The following MAST2 variants were observed in gnomAD, a reference collection of about 807,000 sequenced individuals.
The protein encoded by MAST2 is microtubule-associated serine/threonine-protein kinase 2.
A neutral mutation model predicts 147.4 loss-of-function variants in MAST2; 70 were observed. The observed-to-expected ratio is 0.47, with a 90% CI of 0.39 to 0.58. The LOEUF (loss-of-function observed/expected upper bound fraction) is 0.58. Ranked by LOEUF, MAST2 falls within the 20% of genes least tolerant of loss-of-function variation. The pLI, the probability that MAST2 is intolerant of heterozygous loss-of-function variation, is 0.00. For missense variants in MAST2, 2,080 were observed against 2,302.3 expected (o/e 0.90, Z 1.98); for synonymous variants, 869 against 896.8 (o/e 0.97, Z 0.55).
intron 3 of MAST2, among the ~76,000 whole-genome samples, chr1:45,867,775 T>C (rs1646218074): frequency 6.6e-6 from 1 of 152,176 alleles, no homozygotes; most frequent in Admixed American, 6.5e-5. Context: ...GCTAGATGTA[T>C]AGGTTAGGGT....
intron 1 of MAST2, among the ~76,000 whole-genome samples, chr1:45,816,229 G>C (rs1444972966): frequency 6.6e-6 from 1 of 151,748 alleles, no homozygotes; most frequent in Non-Finnish European, 1.5e-5. Context: ...GAAAGAGAGA[G>C]AGAGAGAGAG....
Position 46,025,738 on chromosome 1 carries a change from A to C in MAST2, c.1842A>C (p.Leu614=), listed in dbSNP as rs1285968265. Residue 614 remains leucine, a synonymous_variant, in exon 16 of 29, where the codon CTA becomes CTC. Coordinates refer to ENST00000361297, the MANE Select transcript of MAST2 (RefSeq NM_015112.3). ...IGALPVDMVR[L]YFAETVLALE... The stretch of plus-strand genomic sequence containing the variant: ...CCCTGCCTGTGGACATGGTGCGTCT[A>C]TACTTTGCGGAAACTGTGCTGGCCC... The C allele has an allele frequency of 6.2e-7, 1 of 1,614,078 alleles. No homozygotes were observed. Among genetic ancestry groups the C allele is most frequent in the Non-Finnish European group, 8.5e-7 (1 of 1,180,032 alleles).
intron 3 of MAST2, among the ~76,000 whole-genome samples, chr1:45,851,114 TTTTG>T (rs1460633885): frequency 1.3e-5 from 2 of 152,136 alleles, no homozygotes; most frequent in African/African-American, 4.8e-5. Context: ...ATTTTTTTCC[TTTTG>T]TTTGTGTCAC....
intron 6 of MAST2, among the ~76,000 whole-genome samples, chr1:46,000,286 C>T (rs1023883500): frequency 2.6e-5 from 4 of 152,144 alleles, no homozygotes; most frequent in African/African-American, 9.7e-5. Flanking sequence ...TGCACTCCAG[C>T]CTGGGCGACA....
chr1:46,018,604 A>G (rs1157270405), intron 10 of MAST2, among the ~76,000 whole-genome samples: 1 of 152,114 alleles, frequency 6.6e-6, no homozygotes, highest in East Asian at 1.9e-4. Flanking sequence ...CTTTTCCTCT[A>G]TTTCCATGGT....
chr1:45,896,671 C>G (rs898450855), intron 4 of MAST2, among the ~76,000 whole-genome samples: 1 of 152,146 alleles, frequency 6.6e-6, no homozygotes, highest in Non-Finnish European at 1.5e-5. Context: ...TGAGGCCTAA[C>G]GCAGCCAACA....
chr1:45,889,529 C>T lies in MAST2; in HGVS notation c.500+7134C>T, dbSNP rs188128119. ...TACTCTTAGGATCACACCTGACTAT[C>T]TATACAGTGTGGTTGCTATATTTTT... On this transcript the variant is annotated intron_variant, in intron 4 of 28. Transcript: ENST00000361297. 6.7e-4 allele frequency among the ~76,000 whole-genome samples: 102 copies of T among 152,264 alleles called. 1 individual carries two copies. Among genetic ancestry groups the T allele is most frequent in the African/African-American group, 2.3e-3 (96 of 41,546 alleles).
At chr1:46,011,406 TG>T (rs749746496) in intron 10 of MAST2, among the ~76,000 whole-genome samples, 7 of 152,188 alleles carry the variant, frequency 4.6e-5, no homozygotes, top group Non-Finnish European at 1.0e-4. Context: ...GTTCTCTAGT[TG>T]GGACTTACAT....
chr1:45,847,970 G>A (rs1334502748), intron 3 of MAST2, among the ~76,000 whole-genome samples: 3 of 152,204 alleles, frequency 2.0e-5, no homozygotes, highest in African/African-American at 4.8e-5. Flanking sequence ...AATTACTAGT[G>A]ATAGTTTAGT....
At chr1:45,913,976 T>C (rs1480750622) in intron 4 of MAST2, 3 of 816,312 alleles carry the variant, frequency 3.7e-6, no homozygotes, top group East Asian at 1.1e-4. Flanking sequence ...AAGACTGTTT[T>C]GGAGATGCCT....
chr1:45,911,014 T>G (rs1651572865), intron 4 of MAST2, among the ~76,000 whole-genome samples: 1 of 152,074 alleles, frequency 6.6e-6, no homozygotes, highest in Non-Finnish European at 1.5e-5. Context: ...AATTAATTTG[T>G]TTTGTGTGTG....
intron 4 of MAST2, among the ~76,000 whole-genome samples, chr1:45,903,616 T>C (rs901867748): frequency 6.6e-6 from 1 of 152,256 alleles, no homozygotes; most frequent in Non-Finnish European, 1.5e-5. Flanking sequence ...AGAGTTCCTC[T>C]TGATGTTGAT....
chr1:46,035,423 G>T lies in MAST2; in HGVS notation c.4754G>T (p.Ser1585Ile). ...SPSGPHRRLG[S>I]PQAIEEAASS... ...AGTGGTCCCCACAGGAGGCTCGGGA[G>T]CCCACAAGCCATTGAGGAGGCTGCC... Residue 1585 changes from serine (S) to isoleucine (I), a missense_variant, in exon 29 of 29, where the codon AGC becomes ATC. Ser to Ile is a moderately radical substitution (Grantham distance 142, BLOSUM62 -2). Transcript: ENST00000361297. The surrounding 1 kb of genome is among the most constrained non-coding windows in gnomAD (Gnocchi z 5.5). 2 of 1,612,516 alleles carry T rather than the reference G, an allele frequency of 1.2e-6. No homozygotes were observed. Among genetic ancestry groups the T allele is most frequent in the Non-Finnish European group, 8.5e-7 (1 of 1,179,674 alleles).
At position 46,031,393 on chromosome 1, in the gene MAST2, A is replaced by G. The variant is rs775433932; in HGVS notation, c.2995A>G (p.Met999Val). Reference protein sequence around the residue: ...VGRSSGSSPAMETRGRGTSQL... With the variant: ...VGRSSGSSPAVETRGRGTSQL... ...TCACTGCTTACTTGGGCCTACAGCT[A>G]TGGAGACCCGAGGCCGTGGGACCTC... is the stretch of plus-strand genomic sequence containing the variant. Residue 999 changes from methionine to valine, a missense_variant and splice_region_variant, in exon 24 of 29, where the codon ATG (methionine) becomes GTG (valine). Met to Val is a conservative substitution (Grantham distance 21). Around this residue, in one of 4 missense-constraint regions of MAST2, gnomAD observed 1,278 missense variants for 1,304.2 expected, o/e 0.98. Coordinates refer to ENST00000361297, the MANE Select transcript of MAST2 (RefSeq NM_015112.3). This position sits in a 1 kb window ranked among gnomAD's most constrained non-coding sequence, Gnocchi z 4.1. 2.0e-5 allele frequency: 33 copies of G among 1,611,484 alleles called. No individual in the cohort carries two copies. The highest frequency in any genetic ancestry group is 5.0e-5 in the Admixed American group (3 of 59,890).
chr1:46,019,604 G>A lies in MAST2; in HGVS notation c.1197G>A (p.Glu399=), dbSNP rs747559329. The change falls in exon 11 of 29, where the codon GAG becomes GAA. Residue 399 remains glutamate, a synonymous_variant. Coordinates refer to ENST00000361297, the MANE Select transcript of MAST2 (RefSeq NM_015112.3). The part of the protein sequence containing the change: ...NLEKLLQDAH[E]RSESSEVAFV... Reference sequence around the variant, plus strand: ...GCTTCTTTTCTCTATAGGCTCATGAGCGCTCAGAGAGCTCAGAAGTGGCTT... The same window carrying A: ...GCTTCTTTTCTCTATAGGCTCATGAACGCTCAGAGAGCTCAGAAGTGGCTT... 1.2e-6 allele frequency: 2 copies of A among 1,613,956 alleles called. No homozygotes were observed. The highest frequency in any genetic ancestry group is 1.3e-5 in the African/African-American group (1 of 75,030).
chr1:46,022,090 TGCTGCCTAGTG>T lies in MAST2; in HGVS notation c.1423+14_1423+24del. On this transcript the variant is annotated intron_variant, in intron 12 of 28. Coordinates refer to ENST00000361297, the MANE Select transcript of MAST2 (RefSeq NM_015112.3). ...CCCGGGATCCCCTAGAAGGTGAGCA[TGCTGCCTAGTG>T]GCTGCAAAGAGGCCCCACTGCTGCT... The T allele has an allele frequency of 6.2e-7, 1 of 1,613,936 alleles. No homozygotes were observed. Among genetic ancestry groups the T allele is most frequent in the Non-Finnish European group, 8.5e-7 (1 of 1,179,894 alleles).
Position 45,890,623 on chromosome 1 carries a change from A to G in MAST2, c.500+8228A>G, listed in dbSNP as rs775912340. ...ACCTTAATTACTTCCTAAAGAACCT[A>G]TATGGAAATATAGTCAGATTGGGGG... On this transcript the variant is annotated intron_variant, in intron 4 of 28. Coordinates refer to ENST00000361297, the MANE Select transcript of MAST2 (RefSeq NM_015112.3). 2.7e-4 allele frequency among the ~76,000 whole-genome samples: 41 copies of G among 152,232 alleles called. 1 individual carries two copies. The highest frequency in any genetic ancestry group is 2.6e-4 in the Admixed American group (4 of 15,286).
rs1288912225 is a variant in MAST2, at chr1:46,035,262, G to A, written c.4593G>A (p.Gln1531=). 1.9e-6 allele frequency: 3 copies of A among 1,614,010 alleles called. No individual in the cohort carries two copies. Among genetic ancestry groups the A allele is most frequent in the Admixed American group, 3.3e-5 (2 of 60,010 alleles). The stretch of plus-strand genomic sequence containing the variant: ...TGGCACCTCACCCAGAAGTGAGCCA[G>A]AGTGTGGCCCCTAAAGGAGCAGGAG... The part of the protein sequence containing the change: ...LSLAPHPEVS[Q]SVAPKGAGES... The change falls in exon 29 of 29, where the codon CAG becomes CAA. Residue 1531 remains glutamine, a synonymous_variant. Transcript: ENST00000361297. The surrounding 1 kb of genome is among the most constrained non-coding windows in gnomAD (Gnocchi z 5.5).
At chr1:45,959,180 G>A (rs937684918) in intron 4 of MAST2, among the ~76,000 whole-genome samples, 5 of 152,118 alleles carry the variant, frequency 3.3e-5, no homozygotes, top group Non-Finnish European at 7.4e-5. Flanking sequence ...GAAAGTCAAG[G>A]CAGTGAAAAA....
Sources: gnomAD v4.1 joint callset for allele counts (sites outside exome capture counted in the v4.1 genomes callset) on GRCh38, gnomAD v4.1.1 for gene constraint, gnomAD v4.1.1 regional missense constraint, Gnocchi (gnomAD v3.1) non-coding constraint, MANE v1.5 for transcripts, NCBI Gene and HGNC (gene_info 2026-07-23, HGNC 2026-07-21) for gene names.